The following ZNF726 variants were observed in gnomAD, a reference collection of about 807,000 sequenced individuals.
The protein encoded by ZNF726 is zinc finger protein 92 pseudogene 3.
ZNF726 carries 15 observed loss-of-function variants against 11.6 expected under a neutral mutation model. The observed-to-expected ratio is 1.29, with a 90% CI of 0.86 to 1.99. The LOEUF (loss-of-function observed/expected upper bound fraction) is 1.99. Ranked by LOEUF, ZNF726 falls within the 30% of genes most tolerant of loss-of-function variation. The pLI, the probability that ZNF726 is intolerant of heterozygous loss-of-function variation, is 0.00. For missense variants in ZNF726, 890 were observed against 725.6 expected, an observed-to-expected ratio of 1.23 and a Z score of -2.60; for synonymous variants, 295 against 243.6, an observed-to-expected ratio of 1.21 and a Z score of -1.96.
chr19:23,939,862 A>ATTTTTTTTTTTTTTTTTTTTT (rs374902806), intron 3 of ZNF726, among the ~76,000 whole-genome samples: 10 of 87,154 alleles, frequency 1.1e-4, no homozygotes, highest in South Asian at 4.5e-4. Flanking sequence ...TTTTGATGGG[A>ATTTTTTTTTTTTTTTTTTTTT]TTTTTTTTTT....
chr19:23,944,501 A>G (rs1568385243), intron 4 of ZNF726: 1 of 152,766 alleles, frequency 6.5e-6, no homozygotes, highest in African/African-American at 2.4e-5. Context: ...CCATTTTTCA[A>G]TGGGATTCTT....
intron 3 of ZNF726, among the ~76,000 whole-genome samples, chr19:23,939,862 A>ATTTTTTTTTT (rs374902806): frequency 0.021 from 1,796 of 86,936 alleles, 123 homozygotes; most frequent in Non-Finnish European, 0.026. Flanking sequence ...TTTTGATGGG[A>ATTTTTTTTTT]TTTTTTTTTT....
chr19:23,943,709 CT>C (rs60881229), intron 4 of ZNF726: 147 of 436,468 alleles, frequency 3.4e-4, no homozygotes, highest in South Asian at 2.5e-3. Flanking sequence ...CCTAAAAAGC[CT>C]TTTTTTTTCC....
intron 3 of ZNF726, among the ~76,000 whole-genome samples, chr19:23,921,949 CTG>C (rs1410330631): frequency 1.3e-5 from 2 of 152,116 alleles, no homozygotes; most frequent in Non-Finnish European, 2.9e-5. Flanking sequence ...GCGTTGGTGT[CTG>C]TAAATTTGAA....
At chr19:23,921,939 G>A (rs1054877691) in intron 3 of ZNF726, among the ~76,000 whole-genome samples, 2 of 152,164 alleles carry the variant, frequency 1.3e-5, no homozygotes, top group African/African-American at 4.8e-5. Context: ...CAATAGTATT[G>A]CGTTGGTGTC....
chr19:23,938,564 C>G (rs1016519254), downstream of ZNF726, among the ~76,000 whole-genome samples: 3 of 150,964 alleles, frequency 2.0e-5, no homozygotes, highest in Non-Finnish European at 4.4e-5. Flanking sequence ...ATGTTAGAAC[C>G]ATAATTTTGT....
chr19:23,932,243 C>A, intron 3 of ZNF726, 100 bp from the exon 4 acceptor site: 1 of 985,006 alleles, frequency 1.0e-6, no homozygotes, highest in Non-Finnish European at 1.3e-6. Flanking sequence ...TTTGCAAAAC[C>A]ATCTTGTTTT....
chr19:23,931,895 C>A (rs887449589), intron 3 of ZNF726, among the ~76,000 whole-genome samples: 1 of 152,098 alleles, frequency 6.6e-6, no homozygotes, highest in African/African-American at 2.4e-5. Context: ...TTTCTGTCAG[C>A]ACTTTATGTC....
intron 3 of ZNF726, chr19:23,924,018 A>G: frequency 6.6e-6 from 1 of 151,148 alleles, no homozygotes. Context: ...AATTTTGGTT[A>G]TACCTTGTAT....
chr19:23,929,616 G>A (rs537402938), intron 3 of ZNF726, among the ~76,000 whole-genome samples: 1 of 152,252 alleles, frequency 6.6e-6, no homozygotes, highest in South Asian at 2.1e-4. Context: ...CTTGGGTTGG[G>A]ACATGGGCAA....
In ZNF726 at chr19:23,919,371, A is replaced by T; in HGVS notation, c.4-2A>T. On this transcript the variant is annotated splice_acceptor_variant, in intron 1 of 3. Coordinates refer to ENST00000594466, the MANE Select transcript of ZNF726 (RefSeq NM_001244038.2). LOFTEE classifies it high-confidence loss of function. ...ATATGTGTGTTTGTGTGTATTTTCC[A>T]GGGACTGTTGACATTTAGGGATGTG... 1 of 1,604,384 alleles carries T rather than the reference A, an allele frequency of 6.2e-7. No individual in the cohort carries two copies. Among genetic ancestry groups the T allele is most frequent in the South Asian group, 1.1e-5 (1 of 91,002 alleles).
downstream of ZNF726, among the ~76,000 whole-genome samples, chr19:23,938,522 G>C (rs781655432): frequency 1.3e-5 from 2 of 151,408 alleles, no homozygotes; most frequent in Non-Finnish European, 2.9e-5. Flanking sequence ...ATCTCCCCAT[G>C]CAAATTCTCT....
intron 3 of ZNF726, among the ~76,000 whole-genome samples, chr19:23,924,263 A>T (rs1277702833): frequency 1.3e-5 from 2 of 150,252 alleles, no homozygotes; most frequent in Non-Finnish European, 3.0e-5. Context: ...CATGTTGGTC[A>T]GGCTGGTCTC....
intron 3 of ZNF726, chr19:23,943,473 T>G (rs757826820): frequency 2.4e-4 from 140 of 588,776 alleles, no homozygotes; most frequent in Non-Finnish European, 4.1e-4. Flanking sequence ...CAAGTCATAT[T>G]ACTTTTTTCT....
Position 23,915,015 on chromosome 19 carries a change from G to T in ZNF726, c.3+18G>T. On this transcript the variant is annotated intron_variant, in intron 1 of 3. Transcript: ENST00000594466. ...TAGAAATGGTGAGAGTGCCGGGTGC[G>T]ACATCCCAAGAGAGGGAACGGGGCT... 3 of 1,613,778 alleles carry T rather than the reference G, an allele frequency of 1.9e-6. No homozygotes were observed. The highest frequency in any genetic ancestry group is 2.5e-6 in the Non-Finnish European group (3 of 1,179,990).
downstream of ZNF726, among the ~76,000 whole-genome samples, chr19:23,934,921 G>A (rs2144994364): frequency 6.6e-6 from 1 of 152,324 alleles, no homozygotes; most frequent in East Asian, 1.9e-4. Flanking sequence ...AGAGCCAGCT[G>A]CTTAGGGGCA....
At position 23,914,916 on chromosome 19, in the gene ZNF726, C is replaced by G. The variant is rs1010361471; in HGVS notation, c.-79C>G. ...TATCTGCGGCCGGAGCTCCAGGTCT[C>G]GTCCTCACTACTCTGTGTCTTCTGC... On this transcript the variant is annotated 5_prime_UTR_variant, in exon 1 of 4. Coordinates refer to ENST00000594466, the MANE Select transcript of ZNF726 (RefSeq NM_001244038.2). 54 of 1,601,092 alleles carry G rather than the reference C, an allele frequency of 3.4e-5. No individual in the cohort carries two copies. Among genetic ancestry groups the G allele is most frequent in the South Asian group, 4.4e-5 (4 of 90,480 alleles).
At chr19:23,928,902 A>C (rs1318761181) in intron 3 of ZNF726, 3 of 151,932 alleles carry the variant, frequency 2.0e-5, no homozygotes, top group African/African-American at 7.3e-5. Context: ...AACTCAGAAG[A>C]TTCTCTCATT....
At position 23,934,210 on chromosome 19, in the gene ZNF726, G is replaced by A. The variant is rs1968187351; in HGVS notation, c.*243G>A. Reference sequence around the variant, plus strand: ...ACTACACATAAGATAATTCATACTGGAAATAAACCCTACAAATGTGAAAAA... The same window carrying A: ...ACTACACATAAGATAATTCATACTGAAAATAAACCCTACAAATGTGAAAAA... On this transcript the variant is annotated 3_prime_UTR_variant, in exon 4 of 4. Transcript: ENST00000594466. The A allele has an allele frequency of 4.0e-6, 3 of 759,196 alleles. No individual in the cohort carries two copies. Among genetic ancestry groups the A allele is most frequent in the Non-Finnish European group, 7.1e-6 (3 of 425,126 alleles). 47.0% of individuals were successfully genotyped at this position (759,196 alleles called of 1,614,324 possible). A position where few individuals can be genotyped will look rare whatever the true frequency, so the allele number is the denominator to read the frequency against.
Sources: gnomAD v4.1 joint callset for allele counts (sites outside exome capture counted in the v4.1 genomes callset) on GRCh38, gnomAD v4.1.1 for gene constraint, MANE v1.5 for transcripts, NCBI Gene and HGNC (gene_info 2026-07-23, HGNC 2026-07-21) for gene names.